The following ACADM variants were observed in gnomAD, a reference collection of about 807,000 sequenced individuals.
ACADM encodes medium-chain specific acyl-CoA dehydrogenase, mitochondrial.
Under a neutral mutation model 58.9 loss-of-function variants are expected in ACADM, and 49 were observed. The observed-to-expected ratio is 0.83, with a 90% CI of 0.66 to 1.06. ACADM has a LOEUF of 1.06. Ranked by LOEUF, ACADM falls within the 50% of genes least tolerant of loss-of-function variation. ACADM has a pLI of 0.00. For missense variants in ACADM, 496 were observed against 507.0 expected (o/e 0.98, Z 0.21); for synonymous variants, 160 against 157.7 (o/e 1.01, Z -0.11).
chr1:75,757,346 TCAAA>T (rs1213260990), intron 10 of ACADM, among the ~76,000 whole-genome samples: 1 of 151,982 alleles, frequency 6.6e-6, no homozygotes, highest in Non-Finnish European at 1.5e-5. Context: ...TACAATGAAC[TCAAA>T]CAAATTTACA....
chr1:75,754,533 A>G (rs1262111613), intron 10 of ACADM, among the ~76,000 whole-genome samples: 1 of 152,098 alleles, frequency 6.6e-6, no homozygotes, highest in Non-Finnish European at 1.5e-5. Flanking sequence ...TGTGTACTCT[A>G]TGTATAGCAT....
rs116810843 is a variant in ACADM, at chr1:75,725,989, T to C, written c.30+1172T>C. ...CAAACCACCTCTCTAATTAACTGGC[T>C]AACTTTGTTATGTAATTAACAGGTT... is the stretch of plus-strand genomic sequence containing the variant. On this transcript the variant is annotated intron_variant, in intron 1 of 11. Transcript: ENST00000370841. 9.9e-4 allele frequency among the ~76,000 whole-genome samples: 151 copies of C among 152,368 alleles called. 1 individual carries two copies. Among genetic ancestry groups the C allele is most frequent in the African/African-American group, 3.5e-3 (145 of 41,592 alleles).
Position 75,745,912 on chromosome 1 carries a change from A to C in ACADM, c.706A>C (p.Lys236Gln), listed in dbSNP as rs1261358932. Residue 236 changes from lysine (K) to glutamine (Q), a missense_variant and splice_region_variant, in exon 8 of 12, where the codon AAG becomes CAG. Coordinates refer to ENST00000370841, the MANE Select transcript of ACADM (RefSeq NM_000016.6). ...ADTPGIQIGR[K>Q]ELNMGQRCSD... ...TACCCCAGGAATTCAGATTGGGAGAAAGGTAAAGTATTTATTAATGATTAG... is the reference window on the plus strand; with the variant it reads ...TACCCCAGGAATTCAGATTGGGAGACAGGTAAAGTATTTATTAATGATTAG... 8 of 1,602,924 alleles carry C rather than the reference A, an allele frequency of 5.0e-6. No individual in the cohort carries two copies. Among genetic ancestry groups the C allele is most frequent in the Non-Finnish European group, 6.8e-6 (8 of 1,170,112 alleles).
intron 10 of ACADM, among the ~76,000 whole-genome samples, chr1:75,757,177 G>A (rs959356530): frequency 1.1e-4 from 17 of 152,172 alleles, no homozygotes; most frequent in African/African-American, 4.1e-4. Context: ...AACACCAGAA[G>A]CAATGGAAAC....
intron 7 of ACADM, chr1:75,743,989 C>A: frequency 6.4e-7 from 1 of 1,567,958 alleles, no homozygotes; most frequent in South Asian, 1.1e-5. Flanking sequence ...GTGCCGAGCC[C>A]TCATCTTCTG....
intron 5 of ACADM, 128 bp from the exon 6 acceptor site, chr1:75,734,663 T>A: frequency 1.4e-6 from 1 of 711,332 alleles, no homozygotes; most frequent in Non-Finnish European, 2.5e-6. Flanking sequence ...AGGCAAGGTA[T>A]AGGCCAGTTC....
chr1:75,724,905 C>G, intron 1 of ACADM, 88 bp downstream of exon 1: 1 of 1,299,476 alleles, frequency 7.7e-7, no homozygotes. Context: ...ATAGGTGCGG[C>G]CGGGAGGAGT....
At chr1:75,736,972 T>A (rs966336986) in intron 6 of ACADM, among the ~76,000 whole-genome samples, 3 of 152,112 alleles carry the variant, frequency 2.0e-5, no homozygotes, top group African/African-American at 7.2e-5. Context: ...TCCTTCTTTT[T>A]ACATGCTGTA....
In ACADM at chr1:75,732,977, G is replaced by A. The variant is rs901359252; in HGVS notation, c.286+55G>A. ...AATGCATATGAGTAAGAAAAATTGT[G>A]GAACTCTACTCAGTCATTTTTTTCA... is the stretch of plus-strand genomic sequence containing the variant. On this transcript the variant is annotated intron_variant, in intron 4 of 11. Coordinates refer to ENST00000370841, the MANE Select transcript of ACADM (RefSeq NM_000016.6). 2.6e-5 allele frequency: 42 copies of A among 1,612,812 alleles called. No individual in the cohort carries two copies. The East Asian group carries it at 8.7e-4, about 33-fold the overall frequency.
intron 7 of ACADM, chr1:75,743,879 C>T (rs1046567345): frequency 4.9e-6 from 7 of 1,424,700 alleles, no homozygotes; most frequent in South Asian, 1.1e-5. Context: ...TCAATCACTG[C>T]GTTTACAACA....
chr1:75,740,239 A>ATT (rs1647493771), intron 7 of ACADM, 129 bp downstream of exon 7: 2 of 888,768 alleles, frequency 2.3e-6, no homozygotes, highest in South Asian at 3.0e-5. Flanking sequence ...CCTAAAGGAG[A>ATT]TTATAAACAG....
rs1444418720 is a variant in ACADM at position 75,750,559 on chromosome 1, C to T, written c.945+13C>T. 2.6e-5 allele frequency: 40 copies of T among 1,542,134 alleles called. No individual in the cohort carries two copies. In the East Asian group the frequency reaches 8.8e-4, roughly 34 times the overall value. ...GCTACTTGTAGAGGTAATTTTAATA[C>T]TGCTTGCTTTGTTCAAATGTAAAGA... On this transcript the variant is annotated intron_variant, in intron 10 of 11. Coordinates refer to ENST00000370841, the MANE Select transcript of ACADM (RefSeq NM_000016.6).
At chr1:75,752,775 A>T (rs919668695) in intron 10 of ACADM, among the ~76,000 whole-genome samples, 2 of 152,016 alleles carry the variant, frequency 1.3e-5, no homozygotes, top group Admixed American at 6.6e-5. Flanking sequence ...TTCAAGGTGT[A>T]TTGTGTCTTC....
At chr1:75,740,375 A>G (rs1375222357) in intron 7 of ACADM, among the ~76,000 whole-genome samples, 1 of 151,982 alleles carries the variant, frequency 6.6e-6, no homozygotes, top group Non-Finnish European at 1.5e-5. Flanking sequence ...GAAGGCTAGC[A>G]CTCTGTCTAC....
In ACADM at chr1:75,757,140, A is replaced by C. The variant is rs574412172; in HGVS notation, c.946-3982A>C. 2.0e-5 allele frequency among the ~76,000 whole-genome samples: 3 copies of C among 152,362 alleles called. No homozygotes were observed. In the South Asian group the frequency reaches 6.2e-4, roughly 32 times the overall value. On this transcript the variant is annotated intron_variant, in intron 10 of 11. Coordinates refer to ENST00000370841, the MANE Select transcript of ACADM (RefSeq NM_000016.6). ...ACCTAGGCAGTACCATTCAGGACAT[A>C]GACATGGGCAAGGACTTCATGTCTA...
chr1:75,734,948 T>C (rs772380281), intron 6 of ACADM, 77 bp downstream of exon 6: 196 of 1,066,778 alleles, frequency 1.8e-4, no homozygotes, highest in Non-Finnish European at 2.5e-4. Context: ...TCAGTCTATA[T>C]GTATATATTG....
At chr1:75,730,095 A>G (rs1647124695) in intron 2 of ACADM, among the ~76,000 whole-genome samples, 1 of 152,000 alleles carries the variant, frequency 6.6e-6, no homozygotes, top group Non-Finnish European at 1.5e-5. Flanking sequence ...AGGTTTCGCC[A>G]TGTTGGCAAC....
intron 4 of ACADM, chr1:75,733,146 C>T (rs535952185): frequency 1.1e-5 from 18 of 1,612,584 alleles, no homozygotes; most frequent in Non-Finnish European, 1.4e-5. Context: ...GCACCTAAAC[C>T]TTGGTAACTT....
chr1:75,729,015 A>G (rs982717407), intron 2 of ACADM, among the ~76,000 whole-genome samples: 12 of 152,096 alleles, frequency 7.9e-5, no homozygotes, highest in Non-Finnish European at 1.8e-4. Context: ...AATAATATCT[A>G]TCTTTGGCAT....
Sources: gnomAD v4.1 joint callset for allele counts (sites outside exome capture counted in the v4.1 genomes callset) on GRCh38, gnomAD v4.1.1 for gene constraint, MANE v1.5 for transcripts, NCBI Gene and HGNC (gene_info 2026-07-23, HGNC 2026-07-21) for gene names.